Variants in RETSAT observed in about 807,000 individuals in gnomAD.
The protein encoded by RETSAT is all-trans-retinol 13,14-reductase.
Under a neutral mutation model 61.6 loss-of-function variants are expected in RETSAT, and 35 were observed. The ratio of observed to expected loss-of-function variants is 0.57; its 90% CI spans 0.43 to 0.75. RETSAT has a LOEUF of 0.75. RETSAT is among the 30% of genes least tolerant of loss of function. The pLI is 0.00. For synonymous variants in RETSAT, 277 were observed against 310.4 expected (o/e 0.89, Z 1.13); for missense variants, 670 against 759.5 (o/e 0.88, Z 1.38).
At position 85,345,996 on chromosome 2, in the gene RETSAT, C is replaced by G. The variant is rs761237408; in HGVS notation, c.1096G>C (p.Gly366Arg). The change falls in exon 6 of 11, where the codon GGG becomes CGG. Residue 366 changes from glycine (G) to arginine (R), a missense_variant. By Grantham distance (125) the Gly-to-Arg change is moderately radical (BLOSUM62 -2). Transcript: ENST00000295802. The part of the protein sequence containing the change: ...LFNTYEHLLP[G>R]NARCLPGVKQ... ...TTACCTGGCAGGCAGCGGGCGTTCCCCGGCAGTAGGTGTTCATAGGTGTTG... is the reference window on the plus strand; with the variant it reads ...TTACCTGGCAGGCAGCGGGCGTTCCGCGGCAGTAGGTGTTCATAGGTGTTG... 6.2e-7 allele frequency: 1 copy of G among 1,614,174 alleles called. No individual in the cohort carries two copies. The highest frequency in any genetic ancestry group is 8.5e-7 in the Non-Finnish European group (1 of 1,180,038).
At position 85,346,469 on chromosome 2, in the gene RETSAT, C is replaced by A. The variant is rs1415772926; in HGVS notation, c.998-375G>T. On this transcript the variant is annotated intron_variant, in intron 5 of 10. Coordinates refer to ENST00000295802, the MANE Select transcript of RETSAT (RefSeq NM_017750.4). ...CAAATACTCTTTAATACCCTCCAAT[C>A]GGGGCTAGGCACAGTGGTTCATGCC... 2.6e-5 allele frequency among the ~76,000 whole-genome samples: 4 copies of A among 152,258 alleles called. No individual in the cohort carries two copies. The South Asian group carries it at 8.3e-4, about 32-fold the overall frequency.
intron 6 of RETSAT, chr2:85,345,497 G>C (rs1683180410): frequency 3.2e-6 from 1 of 308,538 alleles, no homozygotes; most frequent in Non-Finnish European, 6.4e-6. Context: ...CCTTCATCTG[G>C]GCCCCTCTCT....
At chr2:85,344,474 ACAAACTTCCAGGAG>A in intron 7 of RETSAT, 106 bp downstream of exon 7, 1 of 1,538,418 alleles carries the variant, frequency 6.5e-7, no homozygotes, top group Non-Finnish European at 8.9e-7. Context: ...CCTTGGCGTG[ACAAACTTCCAGGAG>A]CAAATTAGAA....
At chr2:85,345,288 T>A (rs1206397625) in intron 6 of RETSAT, among the ~76,000 whole-genome samples, 1 of 152,116 alleles carries the variant, frequency 6.6e-6, no homozygotes. Flanking sequence ...CCAGTCCCCA[T>A]GCGGAAAGCC....
intron 5 of RETSAT, 115 bp from the exon 6 acceptor site, chr2:85,346,209 C>G: frequency 1.5e-6 from 2 of 1,377,138 alleles, no homozygotes; most frequent in Non-Finnish European, 2.0e-6. Flanking sequence ...TGGAGTCCAG[C>G]TACCTAGACT....
In RETSAT at chr2:85,344,090, T is replaced by C. The variant is rs1178517657; in HGVS notation, c.1442A>G (p.Lys481Arg). The change falls in exon 9 of 11, where the codon AAG (lysine) becomes AGG (arginine). Residue 481 changes from lysine to arginine, a missense_variant. Transcript: ENST00000295802. The part of the protein sequence containing the change: ...FEEWQAELKG[K>R]RGSDYETFKN... ...GAAGGTCTCATAGTCACTGCCCCGCTTTCCCTTCAGCTCCGCCTGCCACTC... is the reference window on the plus strand; with the variant it reads ...GAAGGTCTCATAGTCACTGCCCCGCCTTCCCTTCAGCTCCGCCTGCCACTC... 3.1e-6 allele frequency: 5 copies of C among 1,614,010 alleles called. No individual in the cohort carries two copies. Among genetic ancestry groups the C allele is most frequent in the Non-Finnish European group, 4.2e-6 (5 of 1,180,014 alleles).
chr2:85,344,858 T>C, intron 6 of RETSAT, 126 bp from the exon 7 acceptor site: 1 of 999,552 alleles, frequency 1.0e-6, no homozygotes, highest in Non-Finnish European at 1.5e-6. Context: ...CTGGCCACTC[T>C]GCTTCCTTCA....
chr2:85,350,574 C>T (rs544457975), intron 3 of RETSAT, among the ~76,000 whole-genome samples: 9 of 152,142 alleles, frequency 5.9e-5, no homozygotes, highest in Non-Finnish European at 1.0e-4. Context: ...GCCAGGGTGA[C>T]AGCAGCAGCC....
intron 5 of RETSAT, among the ~76,000 whole-genome samples, chr2:85,348,359 C>T (rs1051199310): frequency 3.3e-5 from 5 of 152,046 alleles, no homozygotes; most frequent in Admixed American, 1.3e-4. Flanking sequence ...GGCTGGTCTC[C>T]GTGCCTGACG....
At chr2:85,348,803 T>C (rs1406999592) in intron 5 of RETSAT, among the ~76,000 whole-genome samples, 4 of 150,420 alleles carry the variant, frequency 2.7e-5, no homozygotes, top group Non-Finnish European at 5.9e-5. Context: ...CAGGCCGGAG[T>C]GCGGTGGCGT....
At chr2:85,346,217 A>G in intron 5 of RETSAT, 123 bp from the exon 6 acceptor site, 1 of 1,329,880 alleles carries the variant, frequency 7.5e-7, no homozygotes, top group Non-Finnish European at 1.0e-6. Context: ...AGCTACCTAG[A>G]CTCAGGCAGG....
chr2:85,348,976 C>G (rs1683253066), intron 5 of RETSAT, among the ~76,000 whole-genome samples: 1 of 151,506 alleles, frequency 6.6e-6, no homozygotes, highest in South Asian at 2.1e-4. Context: ...GTCTCGAACT[C>G]CTGACCTTGT....
At position 85,344,353 on chromosome 2, in the gene RETSAT, A is replaced by G. The variant is rs559497484; in HGVS notation, c.1257-5T>C. 1.8e-5 allele frequency: 29 copies of G among 1,613,566 alleles called. No homozygotes were observed. The East Asian group carries it at 2.9e-4, about 16-fold the overall frequency. On this transcript the variant is annotated splice_polypyrimidine_tract_variant and splice_region_variant and intron_variant, in intron 7 of 10. Transcript: ENST00000295802. ...ATGGAGACGTAGCGCTCCATCCTGC[A>G]TGTGACAAGAGTGTGGTGGGATCTC...
chr2:85,351,244 G>A (rs1236828511), intron 2 of RETSAT, among the ~76,000 whole-genome samples: 1 of 152,148 alleles, frequency 6.6e-6, no homozygotes, highest in Non-Finnish European at 1.5e-5. Context: ...ACTGCCCAGA[G>A]GCTGGGCACG....
rs1446607988 is a variant in RETSAT, at chr2:85,354,347, A to G, written c.161T>C (p.Val54Ala). Residue 54 changes from valine to alanine, a missense_variant, in exon 1 of 11, where the codon GTT (valine) becomes GCT (alanine). By Grantham distance (64) the Val-to-Ala change is moderately conservative. Transcript: ENST00000295802. ...GTCCCTCCTGCTACCTTGTTTGAGA[A>G]CCTTCTTCCTGGCCTCCTTGTCAGT... ...LVTDKEARKK[V>A]LKQAFSANQV... The G allele has an allele frequency of 3.7e-6, 6 of 1,614,000 alleles. No homozygotes were observed. The African/African-American group carries it at 5.3e-5, about 14-fold the overall frequency.
chr2:85,354,311 C>T (rs770979289), intron 1 of RETSAT, 25 bp downstream of exon 1: 2 of 1,613,148 alleles, frequency 1.2e-6, no homozygotes, highest in African/African-American at 1.3e-5. Flanking sequence ...AGTGCAGCCC[C>T]GGACCCCAGG....
rs746149342 is a variant in RETSAT, at chr2:85,345,986, C to G, written c.1106G>C (p.Arg369Pro). 6.8e-6 allele frequency: 11 copies of G among 1,614,020 alleles called. No homozygotes were observed. The highest frequency in any genetic ancestry group is 9.3e-6 in the Non-Finnish European group (11 of 1,180,024). Residue 369 changes from arginine to proline, a missense_variant, in exon 6 of 11, where the codon CGC becomes CCC. Transcript: ENST00000295802. The part of the protein sequence containing the change: ...TYEHLLPGNA[R>P]CLPGVKQQLG... ...GACCCGCCTTTTACCTGGCAGGCAG[C>G]GGGCGTTCCCCGGCAGTAGGTGTTC... is the stretch of plus-strand genomic sequence containing the variant.
chr2:85,351,944 C>T, intron 1 of RETSAT, 82 bp from the exon 2 acceptor site: 2 of 1,351,712 alleles, frequency 1.5e-6, no homozygotes, highest in Non-Finnish European at 2.0e-6. Context: ...GAAGACTTCT[C>T]TAGCTTGTAC....
In RETSAT at chr2:85,354,393, G is replaced by T; in HGVS notation, c.115C>A (p.Arg39=). The T allele has an allele frequency of 6.2e-7, 1 of 1,614,212 alleles. No homozygotes were observed. The highest frequency in any genetic ancestry group is 1.1e-5 in the South Asian group (1 of 91,084). ...TCAGTTACCAGGGGCGCTGGGGGCC[G>T]TTTGACATCTTCGGAGAAAGGATTC... ...SPNPFSEDVK[R]PPAPLVTDKE... is the part of the protein sequence containing the mutation. Residue 39 remains arginine (R), a synonymous_variant, in exon 1 of 11, where the codon CGG becomes AGG. Transcript: ENST00000295802.
Sources: gnomAD v4.1 joint callset for allele counts (sites outside exome capture counted in the v4.1 genomes callset) on GRCh38, gnomAD v4.1.1 for gene constraint, MANE v1.5 for transcripts, NCBI Gene and HGNC (gene_info 2026-07-23, HGNC 2026-07-21) for gene names.